LRIF1: variants seen among roughly 807,000 people sequenced by gnomAD.
LRIF1 encodes the protein ligand dependent nuclear receptor interacting factor 1.
A neutral mutation model predicts 52.7 loss-of-function variants in LRIF1; 32 were observed. The ratio of observed to expected loss-of-function variants is 0.61; its 90% CI spans 0.46 to 0.82. LRIF1 has a LOEUF of 0.82. LRIF1 is among the 40% of genes least tolerant of loss of function. The pLI is 0.00. For synonymous variants in LRIF1, 323 were observed against 317.4 expected, an observed-to-expected ratio of 1.02 and a Z score of -0.19; for missense variants, 887 against 892.0, an observed-to-expected ratio of 0.99 and a Z score of 0.07.
the LRIF1 span, among the ~76,000 whole-genome samples, chr1:110,879,540 AT>A: frequency 6.6e-6 from 1 of 152,210 alleles, no homozygotes; most frequent in Non-Finnish European, 1.5e-5. Flanking sequence ...ACATTAGCAT[AT>A]AACAGGTTTT....
intron 1 of LRIF1, among the ~76,000 whole-genome samples, chr1:110,962,442 C>T (rs1441327437): frequency 6.6e-6 from 1 of 152,100 alleles, no homozygotes; most frequent in Admixed American, 6.5e-5. Context: ...TATAATATTG[C>T]TTTTAAGGAC....
downstream of LRIF1, among the ~76,000 whole-genome samples, chr1:110,945,502 T>A (rs1486453464): frequency 1.4e-5 from 2 of 141,838 alleles, no homozygotes; most frequent in Non-Finnish European, 3.1e-5. Context: ...CTCCACTCAC[T>A]GCAACCTCCA....
the LRIF1 span, among the ~76,000 whole-genome samples, chr1:110,885,612 C>G: frequency 6.6e-6 from 1 of 151,884 alleles, no homozygotes; most frequent in Non-Finnish European, 1.5e-5. Context: ...CCTGTAATCC[C>G]AACACTTTAG....
At chr1:110,892,746 T>G in the LRIF1 span, 1 of 498,622 alleles carries the variant, frequency 2.0e-6, no homozygotes, top group South Asian at 3.4e-5. Context: ...CTATCCCCCT[T>G]GTAGCCATTT....
the LRIF1 span, among the ~76,000 whole-genome samples, chr1:110,918,882 C>G: frequency 4.2e-3 from 640 of 152,268 alleles, 5 homozygotes; most frequent in African/African-American, 0.014. Flanking sequence ...ACCACTCCCT[C>G]CACCCAGTTG....
At chr1:110,953,137 C>A (rs931681169) in intron 1 of LRIF1, among the ~76,000 whole-genome samples, 1 of 152,082 alleles carries the variant, frequency 6.6e-6, no homozygotes, top group African/African-American at 2.4e-5. Flanking sequence ...ATCCTCCCTT[C>A]CCCCTTTCCC....
the LRIF1 span, among the ~76,000 whole-genome samples, chr1:110,925,491 C>A: frequency 6.6e-6 from 1 of 151,946 alleles, no homozygotes; most frequent in South Asian, 2.1e-4. Context: ...AGAACCCGGA[C>A]CAATACACAG....
the LRIF1 span, chr1:110,894,402 G>C: frequency 2.5e-6 from 4 of 1,611,192 alleles, no homozygotes; most frequent in Non-Finnish European, 1.7e-6. Flanking sequence ...TGAACAGAAG[G>C]TAAGTTATAA....
the LRIF1 span, among the ~76,000 whole-genome samples, chr1:110,921,318 G>A: frequency 6.6e-6 from 1 of 151,964 alleles, no homozygotes; most frequent in African/African-American, 2.4e-5. Context: ...AAAATGAAAT[G>A]ATTAAAAAGG....
At chr1:110,886,105 A>T in the LRIF1 span, among the ~76,000 whole-genome samples, 1 of 152,248 alleles carries the variant, frequency 6.6e-6, no homozygotes, top group African/African-American at 2.4e-5. Flanking sequence ...TTAAGTTATT[A>T]AAATGTATTT....
chr1:110,896,694 T>A, the LRIF1 span: 3 of 1,613,698 alleles, frequency 1.9e-6, no homozygotes, highest in South Asian at 1.1e-5. Context: ...ATTGGACCAG[T>A]GGCCCACCAG....
the LRIF1 span, among the ~76,000 whole-genome samples, chr1:110,878,906 C>A: frequency 6.6e-6 from 1 of 152,170 alleles, no homozygotes; most frequent in Admixed American, 6.5e-5. Context: ...GGAAGTCTTA[C>A]AGAAACTGTA....
At chr1:110,899,270 C>G in the LRIF1 span, 5 of 1,028,634 alleles carry the variant, frequency 4.9e-6, no homozygotes, top group Non-Finnish European at 7.6e-6. Context: ...TGAAGCCCTA[C>G]ATGATCACTG....
intron 3 of LRIF1, among the ~76,000 whole-genome samples, chr1:110,948,701 T>C (rs1658319443): frequency 6.6e-6 from 1 of 152,156 alleles, no homozygotes; most frequent in Admixed American, 6.5e-5. Flanking sequence ...AGATATAAAA[T>C]TGATTGTTTT....
intron 1 of LRIF1, among the ~76,000 whole-genome samples, chr1:110,955,081 G>T (rs1658641353): frequency 6.6e-6 from 1 of 152,080 alleles, no homozygotes. Flanking sequence ...TTTTCATTCA[G>T]AATCTCAAAC....
the LRIF1 span, among the ~76,000 whole-genome samples, chr1:110,906,702 T>C: frequency 6.6e-6 from 1 of 152,180 alleles, no homozygotes; most frequent in African/African-American, 2.4e-5. Flanking sequence ...GAAACTATCA[T>C]ACTCACTAAT....
At chr1:110,954,573 T>A (rs147534309) in intron 1 of LRIF1, among the ~76,000 whole-genome samples, 2,758 of 152,282 alleles carry the variant, frequency 0.018, 34 homozygotes, top group Non-Finnish European at 0.027. Context: ...AATTCTTGCT[T>A]TCAGGGTTTT....
At chr1:110,898,958 T>A in the LRIF1 span, among the ~76,000 whole-genome samples, 1 of 152,212 alleles carries the variant, frequency 6.6e-6, no homozygotes, top group Non-Finnish European at 1.5e-5. Flanking sequence ...CTCACTGCTA[T>A]TCTTTAACCA....
intron 3 of LRIF1, 142 bp downstream of exon 3, chr1:110,949,709 T>C (rs751238228): frequency 1.5e-5 from 14 of 934,354 alleles, no homozygotes; most frequent in Non-Finnish European, 2.2e-5. Flanking sequence ...GTTTTAAATA[T>C]CATTTTGGTA....
Sources: allele counts gnomAD v4.1 joint callset (sites outside exome capture counted in the v4.1 genomes callset), GRCh38; gene constraint gnomAD v4.1.1; transcripts MANE v1.5; gene names NCBI Gene and HGNC (gene_info 2026-07-23, HGNC 2026-07-21).